Variants in TIPRL observed in about 807,000 individuals in gnomAD.
The protein encoded by TIPRL is TOR signaling pathway regulator.
Under a neutral mutation model 32.3 loss-of-function variants are expected in TIPRL, and 10 were observed. The observed-to-expected ratio is 0.31, with a 90% CI of 0.19 to 0.52. TIPRL has a LOEUF of 0.52. Ranked by LOEUF, TIPRL falls within the 20% of genes least tolerant of loss-of-function variation. TIPRL has a pLI of 0.96. For synonymous variants in TIPRL, 100 were observed against 114.0 expected (o/e 0.88, Z 0.78); for missense variants, 250 against 328.1 (o/e 0.76, Z 1.84).
chr1:168,184,090 C>T lies in TIPRL; in HGVS notation c.284+9C>T. On this transcript the variant is annotated intron_variant, in intron 2 of 6. Coordinates refer to ENST00000367833, the MANE Select transcript of TIPRL (RefSeq NM_152902.5). ...GAGTGGCAAGAAAGCAGGTGAGAAT[C>T]CGGTCAATTAGGTTAAACAAAAAAG... is the stretch of plus-strand genomic sequence containing the variant. 5.6e-6 allele frequency: 9 copies of T among 1,598,488 alleles called. No homozygotes were observed. Among genetic ancestry groups the T allele is most frequent in the Non-Finnish European group, 7.7e-6 (9 of 1,168,610 alleles).
chr1:168,191,684 A>G (rs993379373), intron 4 of TIPRL, among the ~76,000 whole-genome samples, 184 bp downstream of exon 4: 10 of 151,864 alleles, frequency 6.6e-5, no homozygotes, highest in East Asian at 1.9e-4. Context: ...CATCCTGGCT[A>G]ACACAGTGAA....
rs140593206 is a variant in TIPRL, at chr1:168,197,466, A to G, written c.612+824A>G. On this transcript the variant is annotated intron_variant, in intron 5 of 6. Coordinates refer to ENST00000367833, the MANE Select transcript of TIPRL (RefSeq NM_152902.5). ...TTTCTTTTAAAAGTGGTGGCAAAGT[A>G]CTAAACATAAGCTATATTTTTGTTC... Among the ~76,000 whole-genome samples, 6 of 152,230 alleles carry G rather than the reference A, an allele frequency of 3.9e-5. No homozygotes were observed. In the East Asian group the frequency reaches 1.2e-3, roughly 29 times the overall value.
chr1:168,184,374 T>C (rs568783468), intron 2 of TIPRL, among the ~76,000 whole-genome samples: 1 of 152,356 alleles, frequency 6.6e-6, no homozygotes, highest in Admixed American at 6.5e-5. Context: ...ATACTTAATG[T>C]TCCTGTTTTT....
At chr1:168,181,815 C>A (rs1173178822) in intron 1 of TIPRL, among the ~76,000 whole-genome samples, 1 of 150,360 alleles carries the variant, frequency 6.7e-6, no homozygotes, top group South Asian at 2.1e-4. Flanking sequence ...AATCCCAGCA[C>A]TTTGGGAGGC....
intron 1 of TIPRL, among the ~76,000 whole-genome samples, chr1:168,182,347 C>T (rs1308135158): frequency 1.3e-5 from 2 of 151,992 alleles, no homozygotes; most frequent in African/African-American, 4.8e-5. Flanking sequence ...ATTTTCAGGC[C>T]GGGCGCGGTG....
At chr1:168,191,090 A>G (rs760634515) in intron 3 of TIPRL, among the ~76,000 whole-genome samples, 3 of 152,222 alleles carry the variant, frequency 2.0e-5, no homozygotes, top group Non-Finnish European at 4.4e-5. Context: ...CATAGTCACA[A>G]CAGAAGTTGA....
At chr1:168,191,611 C>T in intron 4 of TIPRL, 111 bp downstream of exon 4, 1 of 879,228 alleles carries the variant, frequency 1.1e-6, no homozygotes, top group South Asian at 3.3e-5. Flanking sequence ...GTGGCTCACG[C>T]CTGTAATCCC....
chr1:168,183,849 A>G, intron 1 of TIPRL, 53 bp from the exon 2 acceptor site: 1 of 1,573,706 alleles, frequency 6.4e-7, no homozygotes, highest in African/African-American at 1.3e-5. Context: ...AAAAGAAACA[A>G]AAATGCCAAC....
chr1:168,179,829 T>C (rs1699938688), intron 1 of TIPRL, among the ~76,000 whole-genome samples: 1 of 152,006 alleles, frequency 6.6e-6, no homozygotes. Context: ...TTTTGATGCC[T>C]GGGCTGAATC....
chr1:168,188,096 A>G (rs926173981), intron 3 of TIPRL, among the ~76,000 whole-genome samples: 1 of 152,244 alleles, frequency 6.6e-6, no homozygotes, highest in Non-Finnish European at 1.5e-5. Context: ...TAGATATATT[A>G]TCTATGGTAT....
intron 5 of TIPRL, among the ~76,000 whole-genome samples, chr1:168,198,130 G>A (rs954412284): frequency 1.8e-4 from 28 of 152,048 alleles, no homozygotes; most frequent in Non-Finnish European, 4.0e-4. Flanking sequence ...TTTCAGTGTT[G>A]AACTTTCAAA....
In TIPRL at chr1:168,196,706, C is replaced by A; in HGVS notation, c.612+64C>A. ...GGGCTTGTTTGTGTTGTTTAATTGTCAATCTGAGAATTTGAAATTAAACAA... is the reference window on the plus strand; with the variant it reads ...GGGCTTGTTTGTGTTGTTTAATTGTAAATCTGAGAATTTGAAATTAAACAA... On this transcript the variant is annotated intron_variant, in intron 5 of 6. Coordinates refer to ENST00000367833, the MANE Select transcript of TIPRL (RefSeq NM_152902.5). 3 of 1,149,204 alleles carry A rather than the reference C, an allele frequency of 2.6e-6. No individual in the cohort carries two copies. The South Asian group carries it at 5.3e-5, about 20-fold the overall frequency. 71.2% of individuals were successfully genotyped at this position (1,149,204 alleles called of 1,614,324 possible).
intron 2 of TIPRL, among the ~76,000 whole-genome samples, 181 bp downstream of exon 2, chr1:168,184,262 A>C (rs1438187162): frequency 3.3e-5 from 5 of 152,220 alleles, no homozygotes; most frequent in African/African-American, 1.2e-4. Flanking sequence ...AATGGAAGTT[A>C]ATTACCCCAC....
At chr1:168,192,214 G>A in intron 4 of TIPRL, 1 of 1,489,894 alleles carries the variant, frequency 6.7e-7, no homozygotes, top group Non-Finnish European at 9.0e-7. Flanking sequence ...TCAGCCTGGT[G>A]GCGGGCACCT....
chr1:168,197,277 C>CT lies in TIPRL; in HGVS notation c.612+636dup, dbSNP rs1428000030. 4.0e-5 allele frequency among the ~76,000 whole-genome samples: 5 copies of CT among 124,846 alleles called. No homozygotes were observed. The East Asian group carries it at 1.1e-3, about 28-fold the overall frequency. The allele number at this position is 124,846 out of a possible 152,430, so 81.9% of individuals were successfully genotyped here. A position where few individuals can be genotyped will look rare whatever the true frequency, so the allele number is the denominator to read the frequency against. Reference sequence around the variant, plus strand: ...GAGGCTGCAGTGACAGAGCAAGACCCTGTCTCAAAGAAAAAAAAAAAAAAG... The same window carrying CT: ...GAGGCTGCAGTGACAGAGCAAGACCCTTGTCTCAAAGAAAAAAAAAAAAAAG... On this transcript the variant is annotated intron_variant, in intron 5 of 6. Transcript: ENST00000367833.
rs1014265614 is a variant in TIPRL at position 168,194,566 on chromosome 1, T to G, written c.517-1981T>G. Among the ~76,000 whole-genome samples the G allele has an allele frequency of 4.6e-5, 7 of 152,352 alleles. No individual in the cohort carries two copies. The East Asian group carries it at 7.7e-4, about 17-fold the overall frequency. ...GTTGCAAGTCAGTTTTTCCATAAAT[T>G]ACACATATCACTGTGTAGTAATGTC... On this transcript the variant is annotated intron_variant, in intron 4 of 6. Coordinates refer to ENST00000367833, the MANE Select transcript of TIPRL (RefSeq NM_152902.5).
At chr1:168,192,146 T>C (rs1005610486) in intron 4 of TIPRL, 2 of 1,381,260 alleles carry the variant, frequency 1.4e-6, no homozygotes, top group Non-Finnish European at 1.9e-6. Context: ...GGATGTCATT[T>C]TTTAAAATGA....
intron 4 of TIPRL, among the ~76,000 whole-genome samples, chr1:168,193,261 A>G (rs1485668697): frequency 2.0e-5 from 3 of 152,164 alleles, no homozygotes; most frequent in Non-Finnish European, 4.4e-5. Context: ...GGATTTTGAA[A>G]TTGTAGTGAA....
chr1:168,189,947 A>G (rs1700071319), intron 3 of TIPRL, among the ~76,000 whole-genome samples: 1 of 152,240 alleles, frequency 6.6e-6, no homozygotes. Flanking sequence ...GCAATTTACT[A>G]ATGAGAAAAT....
Sources: gnomAD v4.1 joint callset for allele counts (sites outside exome capture counted in the v4.1 genomes callset) on GRCh38, gnomAD v4.1.1 for gene constraint, MANE v1.5 for transcripts, NCBI Gene and HGNC (gene_info 2026-07-23, HGNC 2026-07-21) for gene names.